LRRC8A: variants seen among roughly 807,000 people sequenced by gnomAD.
LRRC8A encodes volume-regulated anion channel subunit LRRC8A.
Under a neutral mutation model 52.5 loss-of-function variants are expected in LRRC8A, and 24 were observed. That is an observed-to-expected ratio of 0.46 (90% CI 0.33 to 0.64). LRRC8A has a LOEUF of 0.64. Among genes scored for constraint, LRRC8A ranks in the 30% least tolerant of loss-of-function variants. The probability of loss-of-function intolerance (pLI) is 0.02; values close to 1 mark genes in which losing one functional copy is unlikely to be tolerated. For synonymous variants in LRRC8A, 492 were observed against 494.2 expected, an observed-to-expected ratio of 1.00 and a Z score of 0.06; for missense variants, 677 against 1,094.7, an observed-to-expected ratio of 0.62 and a Z score of 5.38.
intron 2 of LRRC8A, among the ~76,000 whole-genome samples, chr9:128,905,595 A>G (rs190281629): frequency 6.6e-6 from 1 of 152,354 alleles, no homozygotes; most frequent in Admixed American, 6.5e-5. Context: ...CTGTAATCCC[A>G]GCACTTTGGG....
intron 2 of LRRC8A, among the ~76,000 whole-genome samples, chr9:128,894,745 A>G (rs916163964): frequency 1.3e-5 from 2 of 150,730 alleles, no homozygotes; most frequent in African/African-American, 4.9e-5. Flanking sequence ...GTGAGCCAAG[A>G]CCACACCACT....
At chr9:128,900,162 T>G (rs1405666306) in intron 2 of LRRC8A, among the ~76,000 whole-genome samples, 2 of 152,168 alleles carry the variant, frequency 1.3e-5, no homozygotes, top group Admixed American at 6.5e-5. Context: ...CTGCCTTCCC[T>G]ACCCCAGCCC....
At chr9:128,913,301 G>T (rs1200307112) in intron 3 of LRRC8A, among the ~76,000 whole-genome samples, 1 of 152,162 alleles carries the variant, frequency 6.6e-6, no homozygotes, top group African/African-American at 2.4e-5. Flanking sequence ...CAAGGACAAC[G>T]CTGGGGCCCT....
At chr9:128,905,509 A>G (rs913128674) in intron 2 of LRRC8A, among the ~76,000 whole-genome samples, 4 of 152,108 alleles carry the variant, frequency 2.6e-5, no homozygotes, top group African/African-American at 9.7e-5. Flanking sequence ...AGTGTTTCCC[A>G]AGCTTGGCCA....
rs183310557 is a variant in LRRC8A at position 128,901,623 on chromosome 9, T to G, written c.-8-5534T>G. ...TAATTAAAATAATTCCATGGCCTCC[T>G]CCCAGCAGCCCTGCGTGGTATCATG... On this transcript the variant is annotated intron_variant, in intron 2 of 3. Transcript: ENST00000372600. 3.1e-3 allele frequency among the ~76,000 whole-genome samples: 468 copies of G among 152,268 alleles called. 3 individuals carry two copies. Among genetic ancestry groups the G allele is most frequent in the Non-Finnish European group, 5.0e-3 (337 of 68,018 alleles).
intron 2 of LRRC8A, among the ~76,000 whole-genome samples, chr9:128,889,991 C>CG (rs1266133420): frequency 6.6e-6 from 1 of 151,840 alleles, no homozygotes; most frequent in African/African-American, 2.4e-5. Flanking sequence ...TTAGTAGAGA[C>CG]GGGGTTTCAC....
At position 128,908,674 on chromosome 9, in the gene LRRC8A, G is replaced by A. The variant is rs773255727; in HGVS notation, c.1510G>A (p.Asp504Asn). 35 of 1,612,766 alleles carry A rather than the reference G, an allele frequency of 2.2e-5. No individual in the cohort carries two copies. The highest frequency in any genetic ancestry group is 4.0e-5 in the African/African-American group (3 of 74,942). ...NLRALHIKFTDIKEIPLWIYS... is the reference protein window; with the variant it reads ...NLRALHIKFTNIKEIPLWIYS... Reference sequence around the variant, plus strand: ...GCGGGCGCTGCACATCAAGTTCACCGACATCAAGGAGATCCCGCTGTGGAT... The same window carrying A: ...GCGGGCGCTGCACATCAAGTTCACCAACATCAAGGAGATCCCGCTGTGGAT... Residue 504 changes from aspartate to asparagine, a missense_variant, in exon 3 of 4, where the codon GAC becomes AAC. Asp to Asn is a conservative substitution (Grantham distance 23, BLOSUM62 1). Transcript: ENST00000372600.
At chr9:128,912,050 G>A (rs1022703567) in intron 3 of LRRC8A, among the ~76,000 whole-genome samples, 2 of 152,212 alleles carry the variant, frequency 1.3e-5, no homozygotes, top group African/African-American at 4.8e-5. Context: ...GTATTCATTC[G>A]TTCACTCGTT....
At chr9:128,910,808 A>G (rs1840485192) in intron 3 of LRRC8A, among the ~76,000 whole-genome samples, 1 of 152,218 alleles carries the variant, frequency 6.6e-6, no homozygotes, top group Admixed American at 6.5e-5. Flanking sequence ...CTGCTTATAA[A>G]AAGCGTGCAG....
At position 128,902,308 on chromosome 9, in the gene LRRC8A, C is replaced by T. The variant is rs560984868; in HGVS notation, c.-8-4849C>T. Among the ~76,000 whole-genome samples, 49 of 152,128 alleles carry T rather than the reference C, an allele frequency of 3.2e-4. No homozygotes were observed. The highest frequency in any genetic ancestry group is 2.1e-3 in the East Asian group (11 of 5,142). ...TGGTCAGAATCAGACCTGATTGGGA[C>T]GGTGTTTCCTGCCTTGGGCAGGTGG... On this transcript the variant is annotated intron_variant, in intron 2 of 3. Coordinates refer to ENST00000372600, the MANE Select transcript of LRRC8A (RefSeq NM_019594.4). The surrounding 1 kb of genome is among the most constrained non-coding windows in gnomAD (Gnocchi z 4.1).
rs369271984 is a variant in LRRC8A at position 128,908,200 on chromosome 9, C to T, written c.1036C>T (p.Arg346Cys). The T allele has an allele frequency of 6.8e-6, 11 of 1,613,924 alleles. No individual in the cohort carries two copies. The highest frequency in any genetic ancestry group is 1.6e-4 in the Middle Eastern group (1 of 6,084). Residue 346 changes from arginine to cysteine, a missense_variant, in exon 3 of 4, where the codon CGC (arginine) becomes TGC (cysteine). By Grantham distance (180) the Arg-to-Cys change is radical (BLOSUM62 -3). Around this residue, in one of 4 missense-constraint regions of LRRC8A, gnomAD observed 422 missense variants for 741.5 expected, o/e 0.57. Coordinates refer to ENST00000372600, the MANE Select transcript of LRRC8A (RefSeq NM_019594.4). ...CMYTLWWMLRRSLKKYSFESI... is the reference protein window; with the variant it reads ...CMYTLWWMLRCSLKKYSFESI... ...GTATACACTGTGGTGGATGCTACGG[C>T]GCTCCCTCAAGAAGTACTCGTTTGA...
chr9:128,893,333 G>T (rs1341295464), intron 2 of LRRC8A, among the ~76,000 whole-genome samples: 34 of 152,226 alleles, frequency 2.2e-4, no homozygotes. Flanking sequence ...TGCGATGGCA[G>T]GTGGGACCGT....
chr9:128,890,675 T>G (rs1423790949), intron 2 of LRRC8A, among the ~76,000 whole-genome samples: 3 of 152,168 alleles, frequency 2.0e-5, no homozygotes, highest in Non-Finnish European at 4.4e-5. Context: ...GTCCTCCCCC[T>G]GGCTCACCTA....
chr9:128,900,675 C>T (rs930478476), intron 2 of LRRC8A, among the ~76,000 whole-genome samples: 3 of 151,956 alleles, frequency 2.0e-5, no homozygotes, highest in Admixed American at 1.3e-4. Context: ...GCCACTGCTC[C>T]AGCCTGAGTG....
At chr9:128,893,018 T>C (rs1188367624) in intron 2 of LRRC8A, among the ~76,000 whole-genome samples, 2 of 152,096 alleles carry the variant, frequency 1.3e-5, no homozygotes, top group Non-Finnish European at 2.9e-5. Flanking sequence ...TGGTGCGTGC[T>C]GGGGGGGTCT....
chr9:128,916,362 G>T lies in LRRC8A; in HGVS notation c.2424G>T (p.Glu808Asp), dbSNP rs541442315. The T allele has an allele frequency of 6.2e-7, 1 of 1,609,178 alleles. No homozygotes were observed. Among genetic ancestry groups the T allele is most frequent in the African/African-American group, 1.3e-5 (1 of 74,944 alleles). ...VKERLWRADKEQA is the reference protein window; with the variant it reads ...VKERLWRADKDQA The stretch of plus-strand genomic sequence containing the variant: ...AGCGGCTGTGGAGGGCTGACAAGGA[G>T]CAGGCCTGAGCGAGGCCGGCCCAGC... The change falls in exon 4 of 4, where the codon GAG (glutamate) becomes GAT (aspartate). Residue 808 changes from glutamate (E) to aspartate (D), a missense_variant. Glu to Asp is a conservative substitution (Grantham distance 45). This residue lies in a region of LRRC8A where 169 missense variants were observed against 217.6 expected (regional missense o/e 0.78). Transcript: ENST00000372600. This position sits in a 1 kb window ranked among gnomAD's most constrained non-coding sequence, Gnocchi z 6.1.
At position 128,909,126 on chromosome 9, in the gene LRRC8A, C is replaced by T. The variant is rs775038089; in HGVS notation, c.1962C>T (p.Ile654=). The change falls in exon 3 of 4, where the codon ATC becomes ATT. Residue 654 remains isoleucine, a synonymous_variant. Coordinates refer to ENST00000372600, the MANE Select transcript of LRRC8A (RefSeq NM_019594.4). ...TGTGGTACAACCACATCGCCTACAT[C>T]CCCATCCAGATCGGCAACCTCACCA... ...LKLWYNHIAY[I]PIQIGNLTNL... 2 of 1,614,200 alleles carry T rather than the reference C, an allele frequency of 1.2e-6. No individual in the cohort carries two copies. Among genetic ancestry groups the T allele is most frequent in the Non-Finnish European group, 1.7e-6 (2 of 1,180,050 alleles).
Position 128,899,225 on chromosome 9 carries a change from C to T in LRRC8A, c.-8-7932C>T, listed in dbSNP as rs927758119. On this transcript the variant is annotated intron_variant, in intron 2 of 3. Coordinates refer to ENST00000372600, the MANE Select transcript of LRRC8A (RefSeq NM_019594.4). This position sits in a 1 kb window ranked among gnomAD's most constrained non-coding sequence, Gnocchi z 4.0. ...TGGGAGAGAAGCTGTTCCACAGCTC[C>T]GCCAGGACGCAGTGCCAGCTGAGAG... is the stretch of plus-strand genomic sequence containing the variant. 3.3e-5 allele frequency among the ~76,000 whole-genome samples: 5 copies of T among 152,312 alleles called. No individual in the cohort carries two copies. The highest frequency in any genetic ancestry group is 1.2e-4 in the African/African-American group (5 of 41,568).
At chr9:128,885,461 ACTC>A (rs1345227426) in intron 1 of LRRC8A, 1 of 150,490 alleles carries the variant, frequency 6.6e-6, no homozygotes, top group South Asian at 2.1e-4. Context: ...AACTCAGACA[ACTC>A]CTCCTCCAGA....
Sources: gnomAD v4.1 joint callset for allele counts (sites outside exome capture counted in the v4.1 genomes callset) on GRCh38, gnomAD v4.1.1 for gene constraint, gnomAD v4.1.1 regional missense constraint, Gnocchi (gnomAD v3.1) non-coding constraint, MANE v1.5 for transcripts, NCBI Gene and HGNC (gene_info 2026-07-23, HGNC 2026-07-21) for gene names.